The following KTN1 variants were observed in gnomAD, a reference collection of about 807,000 sequenced individuals.
The protein encoded by KTN1 is kinectin 1, also known as kinectin.
KTN1 carries 130 observed loss-of-function variants against 222.5 expected under a neutral mutation model. The observed-to-expected ratio is 0.58, with a 90% CI of 0.51 to 0.68. The LOEUF (loss-of-function observed/expected upper bound fraction) is 0.68. KTN1 is among the 30% of genes least tolerant of loss of function. KTN1 has a pLI of 0.00. For synonymous variants in KTN1, 512 were observed against 496.3 expected (o/e 1.03, Z -0.42); for missense variants, 1,508 against 1,500.4 (o/e 1.01, Z -0.08).
chr14:55,617,239 C>T (rs139276362), intron 3 of KTN1, among the ~76,000 whole-genome samples: 1 of 152,066 alleles, frequency 6.6e-6, no homozygotes, highest in Admixed American at 6.5e-5. Context: ...AAATGTTAAA[C>T]AATTTTAAAT....
At chr14:55,603,152 C>G (rs2036227321) in intron 1 of KTN1, among the ~76,000 whole-genome samples, 1 of 151,388 alleles carries the variant, frequency 6.6e-6, no homozygotes, top group Non-Finnish European at 1.5e-5. Flanking sequence ...TGTTCTTTCC[C>G]TTTTTACTGG....
In KTN1 at chr14:55,634,613, G is replaced by C. The variant is rs1333481457; in HGVS notation, c.1416G>C (p.Glu472Asp). 1 of 1,613,708 alleles carries C rather than the reference G, an allele frequency of 6.2e-7. No homozygotes were observed. Among genetic ancestry groups the C allele is most frequent in the African/African-American group, 1.3e-5 (1 of 74,908 alleles). Residue 472 changes from glutamate to aspartate, a missense_variant, in exon 9 of 44, where the codon GAG (glutamate) becomes GAC (aspartate). Transcript: ENST00000395314. The part of the protein sequence containing the change: ...LTEKTGKLQQ[E>D]EVQKKNAEQA... ...AGAAAACAGGAAAGCTACAGCAAGA[G>C]GAAGTCCAAAAGAAGAATGCTGAGC...
intron 5 of KTN1, among the ~76,000 whole-genome samples, chr14:55,621,001 C>T (rs879073098): frequency 6.6e-6 from 1 of 152,178 alleles, no homozygotes; most frequent in East Asian, 1.9e-4. Flanking sequence ...CCCAGGTCAC[C>T]TCTTGAATGC....
chr14:55,637,080 A>G, intron 10 of KTN1, 118 bp from the exon 11 acceptor site: 1 of 657,726 alleles, frequency 1.5e-6, no homozygotes, highest in Non-Finnish European at 2.5e-6. Context: ...GCATGCAAGA[A>G]TGGAAGCAGG....
intron 1 of KTN1, among the ~76,000 whole-genome samples, chr14:55,597,477 C>T (rs765001626): frequency 5.3e-5 from 8 of 152,140 alleles, no homozygotes; most frequent in Non-Finnish European, 1.0e-4. Context: ...CACAATTTTG[C>T]TGTTTGCGTA....
At chr14:55,625,632 C>G (rs1031301180) in intron 5 of KTN1, among the ~76,000 whole-genome samples, 2 of 152,062 alleles carry the variant, frequency 1.3e-5, no homozygotes, top group East Asian at 1.9e-4. Flanking sequence ...CTTTATTCAT[C>G]TCTTGGTTAG....
chr14:55,608,112 T>C (rs577786178), intron 1 of KTN1, among the ~76,000 whole-genome samples: 1 of 152,350 alleles, frequency 6.6e-6, no homozygotes, highest in Non-Finnish European at 1.5e-5. Flanking sequence ...AAATTAACTT[T>C]GTCTCAACCT....
In KTN1 at chr14:55,664,124, T is replaced by C. The variant is rs560519374; in HGVS notation, c.3177+83T>C. 4 of 793,024 alleles carry C rather than the reference T, an allele frequency of 5.0e-6. No homozygotes were observed. The East Asian group carries it at 1.1e-4, about 22-fold the overall frequency. 49.1% of individuals were successfully genotyped at this position (793,024 alleles called of 1,614,324 possible). ...TTAAAATCAGACTAAAGCATTTACT[T>C]TTACTGCAATTTAAATATAAAATCT... On this transcript the variant is annotated intron_variant, in intron 33 of 43. Coordinates refer to ENST00000395314, the MANE Select transcript of KTN1 (RefSeq NM_001079521.2).
intron 1 of KTN1, among the ~76,000 whole-genome samples, chr14:55,584,206 A>C (rs1481303189): frequency 6.6e-6 from 1 of 151,692 alleles, no homozygotes; most frequent in African/African-American, 2.4e-5. Context: ...CACTCTCCTC[A>C]TTCCCCCTTA....
intron 6 of KTN1, among the ~76,000 whole-genome samples, chr14:55,629,007 C>G (rs2040187426): frequency 6.6e-6 from 1 of 152,144 alleles, no homozygotes; most frequent in African/African-American, 2.4e-5. Flanking sequence ...CATGATTAGT[C>G]CTAATGATAC....
chr14:55,617,067 G>A (rs1165932221), intron 3 of KTN1, among the ~76,000 whole-genome samples: 1 of 152,154 alleles, frequency 6.6e-6, no homozygotes, highest in Admixed American at 6.5e-5. Context: ...ACTCACATGT[G>A]TATATGGCAA....
intron 36 of KTN1, 24 bp downstream of exon 36, chr14:55,671,679 A>C (rs751557633): frequency 1.9e-6 from 3 of 1,580,062 alleles, no homozygotes; most frequent in East Asian, 4.5e-5. Context: ...TTTAATCTAC[A>C]TTTTGATTTT....
At chr14:55,648,190 G>A (rs2042587943) in intron 20 of KTN1, 75 bp downstream of exon 20, 3 of 710,160 alleles carry the variant, frequency 4.2e-6, no homozygotes, top group South Asian at 1.9e-5. Flanking sequence ...ATTTGTGTAA[G>A]GTTTTTCCCA....
chr14:55,674,262 G>A (rs548391737), intron 40 of KTN1: 192 of 152,048 alleles, frequency 1.3e-3, no homozygotes, highest in African/African-American at 4.5e-3. Flanking sequence ...ATTTTGGGGG[G>A]GGATTTTGGA....
Position 55,679,676 on chromosome 14 carries a change from C to T in KTN1, c.4060C>T (p.Gln1354Ter), listed in dbSNP as rs1336396896. 1 of 1,613,622 alleles carries T rather than the reference C, an allele frequency of 6.2e-7. No homozygotes were observed. The highest frequency in any genetic ancestry group is 2.2e-5 in the East Asian group (1 of 44,866). ...QQLTKEKEHY[Q>*]VLE is the part of the protein sequence containing the mutation. ...GCTCACAAAGGAGAAAGAGCACTAC[C>T]AGGTGTTAGGTAAGGACAACTGAAA... The change falls in exon 43 of 44, where the codon CAG becomes TAG. Residue 1354 changes from glutamine (Q) to a stop codon, truncating the protein, a stop_gained. Coordinates refer to ENST00000395314, the MANE Select transcript of KTN1 (RefSeq NM_001079521.2). LOFTEE classifies it high-confidence loss of function.
At chr14:55,647,377 G>A (rs2042469333) in intron 19 of KTN1, among the ~76,000 whole-genome samples, 2 of 152,130 alleles carry the variant, frequency 1.3e-5, no homozygotes, top group Admixed American at 6.5e-5. Context: ...GCTCACACCT[G>A]TAATCCCAGC....
rs761009874 is a variant in KTN1 at position 55,673,017 on chromosome 14, T to A, written c.3687+5T>A. 4 of 1,600,646 alleles carry A rather than the reference T, an allele frequency of 2.5e-6. No individual in the cohort carries two copies. In the South Asian group the frequency reaches 4.4e-5, roughly 18 times the overall value. On this transcript the variant is annotated splice_donor_5th_base_variant and intron_variant, in intron 39 of 43. Coordinates refer to ENST00000395314, the MANE Select transcript of KTN1 (RefSeq NM_001079521.2). Reference sequence around the variant, plus strand: ...TATGTTACAGAAGTCAGAGAGGTACTTACAACAGAATCTTTTCAAACTTGC... The same window carrying A: ...TATGTTACAGAAGTCAGAGAGGTACATACAACAGAATCTTTTCAAACTTGC...
Position 55,633,357 on chromosome 14 carries a change from C to T in KTN1, c.1328+16C>T. ...TGGAAAGCAAGTATGTTTCCAAATA[C>T]CTTATTTTTTAATTGAATGGCAGAG... On this transcript the variant is annotated intron_variant, in intron 8 of 43. Transcript: ENST00000395314. 2 of 1,401,992 alleles carry T rather than the reference C, an allele frequency of 1.4e-6. No homozygotes were observed. The highest frequency in any genetic ancestry group is 9.7e-7 in the Non-Finnish European group (1 of 1,028,128). The allele number at this position is 1,401,992 out of a possible 1,614,324, so 86.8% of individuals were successfully genotyped here.
intron 6 of KTN1, 130 bp from the exon 7 acceptor site, chr14:55,629,827 A>G (rs2040312772): frequency 1.4e-6 from 1 of 690,704 alleles, no homozygotes; most frequent in Non-Finnish European, 2.5e-6. Flanking sequence ...GCTTTTTTTA[A>G]GCAAGTACTT....
Sources: gnomAD v4.1 joint callset for allele counts (sites outside exome capture counted in the v4.1 genomes callset) on GRCh38, gnomAD v4.1.1 for gene constraint, MANE v1.5 for transcripts, NCBI Gene and HGNC (gene_info 2026-07-23, HGNC 2026-07-21) for gene names.